Variants in ZNF714 observed in about 807,000 individuals in gnomAD.
The protein encoded by ZNF714 is zinc finger protein 714.
In ZNF714, 32 loss-of-function variants were observed where a neutral mutation model predicts 46.2. That is an observed-to-expected ratio of 0.69 (90% CI 0.52 to 0.93). The LOEUF (loss-of-function observed/expected upper bound fraction) is 0.93, where lower values mean the gene tolerates loss of function less well. Among genes scored for constraint, ZNF714 ranks in the 40% least tolerant of loss-of-function variants. The pLI, the probability that ZNF714 is intolerant of heterozygous loss-of-function variation, is 0.00. For missense variants in ZNF714, 635 were observed against 646.3 expected (o/e 0.98, Z 0.19); for synonymous variants, 199 against 213.1 (o/e 0.93, Z 0.58).
chr19:21,102,909 T>C (rs904730238), intron 4 of ZNF714, among the ~76,000 whole-genome samples: 3 of 152,208 alleles, frequency 2.0e-5, no homozygotes, highest in African/African-American at 7.2e-5. Context: ...TTTGCAGTTC[T>C]GTTTGTATAC....
rs1969684593 is a variant in ZNF714 at position 21,120,303 on chromosome 19, G to T, written c.*1971G>T. On this transcript the variant is annotated 3_prime_UTR_variant, in exon 5 of 5. Transcript: ENST00000456283. ...GATCCACCCACCTTGGCCTCCAAAG[G>T]TGCTGGGATTACACAGGCATGAGCC... 6.6e-6 allele frequency: 1 copy of T among 152,138 alleles called. No individual in the cohort carries two copies. Among genetic ancestry groups the T allele is most frequent in the Non-Finnish European group, 1.5e-5 (1 of 68,046 alleles). The allele number at this position is 152,138 out of a possible 1,614,324, so 9.4% of individuals were successfully genotyped here.
At chr19:21,102,188 C>T (rs1969197560) in intron 4 of ZNF714, among the ~76,000 whole-genome samples, 1 of 152,162 alleles carries the variant, frequency 6.6e-6, no homozygotes. Flanking sequence ...TTTTTCATGT[C>T]ACTGATGTTA....
chr19:21,116,289 C>G (rs1026217590), intron 4 of ZNF714, among the ~76,000 whole-genome samples: 2 of 152,110 alleles, frequency 1.3e-5, no homozygotes, highest in Non-Finnish European at 2.9e-5. Flanking sequence ...ACTGCAGTCT[C>G]TCTGCTGCTG....
intron 4 of ZNF714, among the ~76,000 whole-genome samples, chr19:21,114,234 C>A (rs751962450): frequency 6.6e-6 from 1 of 151,826 alleles, no homozygotes; most frequent in Non-Finnish European, 1.5e-5. Flanking sequence ...GTCAGGAGAT[C>A]GAGACCATCC....
intron 2 of ZNF714, among the ~76,000 whole-genome samples, chr19:21,093,904 G>A (rs893795657): frequency 1.3e-5 from 2 of 152,210 alleles, no homozygotes; most frequent in African/African-American, 4.8e-5. Context: ...AAAGTGCCGG[G>A]ATTACAAGTG....
intron 4 of ZNF714, among the ~76,000 whole-genome samples, chr19:21,109,176 G>C (rs1466368573): frequency 6.6e-6 from 1 of 152,000 alleles, no homozygotes; most frequent in Non-Finnish European, 1.5e-5. Flanking sequence ...CAAATTGTAT[G>C]CTTTTTAACT....
chr19:21,113,512 CTTTT>C (rs35197492), intron 4 of ZNF714, among the ~76,000 whole-genome samples: 18 of 135,714 alleles, frequency 1.3e-4, no homozygotes, highest in Non-Finnish European at 2.6e-4. Flanking sequence ...CTTTTTTCTT[CTTTT>C]TTTTTTTTGA....
chr19:21,106,137 C>G (rs1439453712), intron 4 of ZNF714, among the ~76,000 whole-genome samples: 1 of 151,916 alleles, frequency 6.6e-6, no homozygotes, highest in Admixed American at 6.6e-5. Context: ...TGCCTGTAGT[C>G]CCACCTACTT....
chr19:21,117,552 A>C lies in ZNF714; in HGVS notation c.888A>C (p.Arg296=). The part of the protein sequence containing the change: ...KCEECDKAFN[R]FSYLTKHKII... ...AAGAATGTGACAAAGCTTTTAACCG[A>C]TTCTCATACCTTACTAAACATAAGA... Residue 296 remains arginine (R), a synonymous_variant, in exon 5 of 5, where the codon CGA becomes CGC. Transcript: ENST00000456283. 6.2e-7 allele frequency: 1 copy of C among 1,606,310 alleles called. No individual in the cohort carries two copies. The highest frequency in any genetic ancestry group is 8.5e-7 in the Non-Finnish European group (1 of 1,175,768).
chr19:21,119,412 A>G lies in ZNF714; in HGVS notation c.*1080A>G. The G allele has an allele frequency of 5.8e-6, 1 of 172,156 alleles. No individual in the cohort carries two copies. The highest frequency in any genetic ancestry group is 1.1e-4 in the South Asian group (1 of 9,264). 10.7% of individuals were successfully genotyped at this position (172,156 alleles called of 1,614,324 possible). ...TCCATCTAAAAAGTAAAAAAAAAAG[A>G]AAATATGAACTTTACAGTGAAGAAT... On this transcript the variant is annotated 3_prime_UTR_variant, in exon 5 of 5. Coordinates refer to ENST00000456283, the MANE Select transcript of ZNF714 (RefSeq NM_182515.4).
At chr19:21,089,959 G>A (rs531887125) in intron 2 of ZNF714, among the ~76,000 whole-genome samples, 55 of 152,322 alleles carry the variant, frequency 3.6e-4, no homozygotes, top group Admixed American at 1.9e-3. Flanking sequence ...CTAGTGACGT[G>A]GCTGGCTGCA....
intron 2 of ZNF714, among the ~76,000 whole-genome samples, chr19:21,085,854 G>C (rs531301894): frequency 4.1e-5 from 6 of 147,530 alleles, no homozygotes; most frequent in African/African-American, 1.5e-4. Flanking sequence ...TCTAGGCTTT[G>C]GAATATCAAA....
At chr19:21,108,309 T>G (rs73024646) in intron 4 of ZNF714, among the ~76,000 whole-genome samples, 3,075 of 152,340 alleles carry the variant, frequency 0.02, 43 homozygotes, top group Non-Finnish European at 0.033. Context: ...GTGTTGTTTC[T>G]TGCTTTTAAC....
rs774482386 is a variant in ZNF714, at chr19:21,118,210, T to C, written c.1546T>C (p.Leu516=). The part of the protein sequence containing the change: ...MVAHACNPNT[L]RGLGEQIARS... ...GGCTCATGCCTGTAATCCCAACACT[T>C]TGAGAGGACTAGGTGAGCAGATCGC... is the stretch of plus-strand genomic sequence containing the variant. The change falls in exon 5 of 5, where the codon TTG becomes CTG. Residue 516 remains leucine, a synonymous_variant. Coordinates refer to ENST00000456283, the MANE Select transcript of ZNF714 (RefSeq NM_182515.4). The C allele has an allele frequency of 6.3e-7, 1 of 1,599,362 alleles. No individual in the cohort carries two copies. The highest frequency in any genetic ancestry group is 2.3e-5 in the East Asian group (1 of 44,312).
rs1348030110 is a variant in ZNF714, at chr19:21,121,295, T to C, written c.*2963T>C. 1 of 152,208 alleles carries C rather than the reference T, an allele frequency of 6.6e-6. No homozygotes were observed. The highest frequency in any genetic ancestry group is 1.5e-5 in the Non-Finnish European group (1 of 68,024). The allele number at this position is 152,208 out of a possible 1,614,324, so 9.4% of individuals were successfully genotyped here. Reference sequence around the variant, plus strand: ...ATCTGGTCTCGATCTCCTGACCTCATGATCTGCCTGCCTTGACCTCCCAAA... The same window carrying C: ...ATCTGGTCTCGATCTCCTGACCTCACGATCTGCCTGCCTTGACCTCCCAAA... On this transcript the variant is annotated 3_prime_UTR_variant, in exon 5 of 5. Transcript: ENST00000456283.
Position 21,121,670 on chromosome 19 carries a change from T to TCC in ZNF714, c.*3339_*3340insCC, listed in dbSNP as rs1394117496. ...GAAAAGAACAATATGGGAATAAAAA[T>TCC]CATTTTAATAAGGTGGCTACTATAA... On this transcript the variant is annotated 3_prime_UTR_variant, in exon 5 of 5. Transcript: ENST00000456283. The TCC allele has an allele frequency of 7.9e-5, 12 of 152,182 alleles. No homozygotes were observed. Among genetic ancestry groups the TCC allele is most frequent in the Admixed American group, 7.9e-4 (12 of 15,276 alleles). 9.4% of individuals were successfully genotyped at this position (152,182 alleles called of 1,614,324 possible).
chr19:21,084,702 A>ATTT lies in ZNF714; in HGVS notation c.-85+651_-85+653dup, dbSNP rs36069214. On this transcript the variant is annotated intron_variant, in intron 2 of 4. Coordinates refer to ENST00000456283, the MANE Select transcript of ZNF714 (RefSeq NM_182515.4). ...ATTAGTAGGGCTTGAAAGGTAGGAA[A>ATTT]TTTTTTTTTTTTTTTTTTTTGAGAC... is the stretch of plus-strand genomic sequence containing the variant. 5.7e-4 allele frequency among the ~76,000 whole-genome samples: 77 copies of ATTT among 135,262 alleles called. 1 individual carries two copies. The highest frequency in any genetic ancestry group is 1.7e-3 in the African/African-American group (59 of 35,456). 88.7% of individuals were successfully genotyped at this position (135,262 alleles called of 152,430 possible). A position where few individuals can be genotyped will look rare whatever the true frequency, so the allele number is the denominator to read the frequency against.
rs1969623634 is a variant in ZNF714, at chr19:21,117,411, A to C, written c.747A>C (p.Val249=). Reference sequence around the variant, plus strand: ...CTTCACACCTTACTACACATAAGGTAATTCATACTGGAGAGAAGCCCTTCA... The same window carrying C: ...CTTCACACCTTACTACACATAAGGTCATTCATACTGGAGAGAAGCCCTTCA... The part of the protein sequence containing the change: ...YHSSHLTTHK[V]IHTGEKPFKC... Residue 249 remains valine (V), a synonymous_variant, in exon 5 of 5, where the codon GTA becomes GTC. Transcript: ENST00000456283. 12 of 1,612,536 alleles carry C rather than the reference A, an allele frequency of 7.4e-6. No homozygotes were observed. In the East Asian group the frequency reaches 2.7e-4, roughly 36 times the overall value.
At chr19:21,105,439 C>A (rs1969287777) in intron 4 of ZNF714, among the ~76,000 whole-genome samples, 1 of 152,000 alleles carries the variant, frequency 6.6e-6, no homozygotes, top group African/African-American at 2.4e-5. Flanking sequence ...CACCCACTTC[C>A]TAGATGACAT....
Sources: allele counts gnomAD v4.1 joint callset (sites outside exome capture counted in the v4.1 genomes callset), GRCh38; gene constraint gnomAD v4.1.1; transcripts MANE v1.5; gene names NCBI Gene and HGNC (gene_info 2026-07-23, HGNC 2026-07-21).